ARHGAP24: variants seen among roughly 807,000 people sequenced by gnomAD.
The protein encoded by ARHGAP24 is Rho GTPase activating protein 24.
A neutral mutation model predicts 76.4 loss-of-function variants in ARHGAP24; 50 were observed. The ratio of observed to expected loss-of-function variants is 0.65; its 90% CI spans 0.52 to 0.83. ARHGAP24 has a LOEUF of 0.83. ARHGAP24 is among the 40% of genes least tolerant of loss of function. The probability of loss-of-function intolerance (pLI) is 0.00; values close to 1 mark genes in which losing one functional copy is unlikely to be tolerated. For missense variants in ARHGAP24, 930 were observed against 914.2 expected (o/e 1.02, Z -0.22); for synonymous variants, 345 against 323.3 (o/e 1.07, Z -0.72).
intron 3 of ARHGAP24, among the ~76,000 whole-genome samples, chr4:85,890,885 T>A (rs903919395): frequency 1.3e-5 from 2 of 152,198 alleles, no homozygotes; most frequent in Non-Finnish European, 2.9e-5. Flanking sequence ...CCTTGTTTCA[T>A]TCACTTCTAA....
chr4:85,903,327 A>AT (rs1418866166), intron 3 of ARHGAP24, among the ~76,000 whole-genome samples: 6 of 152,160 alleles, frequency 3.9e-5, no homozygotes, highest in African/African-American at 1.4e-4. Flanking sequence ...ATTAGATTTG[A>AT]TTTTACTGCA....
intron 3 of ARHGAP24, among the ~76,000 whole-genome samples, chr4:85,795,130 T>C (rs944160128): frequency 6.6e-6 from 1 of 152,238 alleles, no homozygotes; most frequent in Non-Finnish European, 1.5e-5. Context: ...TTCCATTCCA[T>C]GTTACAGTAT....
At chr4:85,691,152 T>C (rs1269253072) in intron 2 of ARHGAP24, among the ~76,000 whole-genome samples, 1 of 152,028 alleles carries the variant, frequency 6.6e-6, no homozygotes, top group Non-Finnish European at 1.5e-5. Context: ...AATTGTGTAG[T>C]TTTCAGATAT....
In ARHGAP24 at chr4:85,875,834, C is replaced by T. The variant is rs144299198; in HGVS notation, c.269-47814C>T. Among the ~76,000 whole-genome samples, 588 of 150,556 alleles carry T rather than the reference C, an allele frequency of 3.9e-3. 3 individuals are homozygous for T. The highest frequency in any genetic ancestry group is 0.013 in the African/African-American group (551 of 40,900). Reference sequence around the variant, plus strand: ...TCAGCTCAGTGCAACCTGTGCATCCCGGGTTCAAGCAATTTTCCTGCTTCA... The same window carrying T: ...TCAGCTCAGTGCAACCTGTGCATCCTGGGTTCAAGCAATTTTCCTGCTTCA... On this transcript the variant is annotated intron_variant, in intron 3 of 9. Coordinates refer to ENST00000395184, the MANE Select transcript of ARHGAP24 (RefSeq NM_001025616.3).
chr4:85,902,939 A>G (rs1180117223), intron 3 of ARHGAP24, among the ~76,000 whole-genome samples: 2 of 152,204 alleles, frequency 1.3e-5, no homozygotes, highest in Non-Finnish European at 2.9e-5. Flanking sequence ...TTCAATGAAA[A>G]CTTAAAAGTT....
Position 85,982,373 on chromosome 4 carries a change from T to TTTTTGTTTTG in ARHGAP24, c.928+4697_928+4706dup, listed in dbSNP as rs6148555. Among the ~76,000 whole-genome samples the TTTTTGTTTTG allele has an allele frequency of 2.9e-3, 431 of 150,294 alleles. 5 individuals carry two copies. Among genetic ancestry groups the TTTTTGTTTTG allele is most frequent in the Middle Eastern group, 0.01 (3 of 290 alleles). ...GATAGGTGCACAAGTAGATAAGTTGTTTTTGTTTTGTTTTGTTTTGTTTTT... is the reference window on the plus strand; with the variant it reads ...GATAGGTGCACAAGTAGATAAGTTGTTTTTGTTTTGTTTTGTTTTGTTTTGTTTTGTTTTT... On this transcript the variant is annotated intron_variant, in intron 8 of 9. Coordinates refer to ENST00000395184, the MANE Select transcript of ARHGAP24 (RefSeq NM_001025616.3).
intron 4 of ARHGAP24, among the ~76,000 whole-genome samples, chr4:85,939,351 T>A (rs62305515): frequency 0.075 from 11,461 of 152,218 alleles, 550 homozygotes; most frequent in East Asian, 0.19. Flanking sequence ...GGACTGATAT[T>A]CAGGAATAAG....
chr4:85,797,161 GTT>G (rs71672797), intron 3 of ARHGAP24, among the ~76,000 whole-genome samples: 2 of 148,458 alleles, frequency 1.3e-5, no homozygotes, highest in African/African-American at 5.0e-5. Flanking sequence ...AATTTTTTTT[GTT>G]TTTTTTTTTG....
chr4:85,747,819 T>C (rs989653192), intron 3 of ARHGAP24, among the ~76,000 whole-genome samples: 13 of 152,250 alleles, frequency 8.5e-5, no homozygotes, highest in African/African-American at 3.1e-4. Context: ...TTTAAAATCA[T>C]TAAGGACAGA....
intron 3 of ARHGAP24, among the ~76,000 whole-genome samples, chr4:85,794,506 A>AG (rs1158455128): frequency 6.6e-6 from 1 of 152,034 alleles, no homozygotes; most frequent in Non-Finnish European, 1.5e-5. Flanking sequence ...TTTTCGAGAC[A>AG]GAGTCTCACC....
At chr4:85,899,153 T>C (rs1344096463) in intron 3 of ARHGAP24, among the ~76,000 whole-genome samples, 1 of 152,216 alleles carries the variant, frequency 6.6e-6, no homozygotes, top group Admixed American at 6.5e-5. Flanking sequence ...TAATGAGTAA[T>C]GTCTTCAAGG....
intron 5 of ARHGAP24, among the ~76,000 whole-genome samples, chr4:85,964,305 A>G (rs564139761): frequency 6.6e-6 from 1 of 152,218 alleles, no homozygotes; most frequent in African/African-American, 2.4e-5. Context: ...AAAAAATGCT[A>G]AAAGAGAAAC....
At chr4:86,000,397 C>A in intron 9 of ARHGAP24, 82 bp from the exon 10 acceptor site, 1 of 1,046,580 alleles carries the variant, frequency 9.6e-7, no homozygotes, top group Non-Finnish European at 1.5e-6. Flanking sequence ...ATTTGTATGT[C>A]TCTTGCATTT....
intron 3 of ARHGAP24, among the ~76,000 whole-genome samples, chr4:85,749,964 C>T (rs754241384): frequency 1.3e-5 from 2 of 151,860 alleles, no homozygotes; most frequent in Non-Finnish European, 2.9e-5. Flanking sequence ...GCAGCAGCAG[C>T]GGCAGCAGCA....
chr4:85,897,832 A>ATC (rs1734271000), intron 3 of ARHGAP24, among the ~76,000 whole-genome samples: 1 of 151,890 alleles, frequency 6.6e-6, no homozygotes, highest in South Asian at 2.1e-4. Flanking sequence ...GCAGTATCAG[A>ATC]TAAGTGAGGG....
intron 4 of ARHGAP24, among the ~76,000 whole-genome samples, chr4:85,939,774 T>C (rs1386720138): frequency 1.3e-5 from 2 of 152,170 alleles, no homozygotes; most frequent in African/African-American, 4.8e-5. Context: ...AACCCAAATA[T>C]TGGAAGTTTG....
chr4:85,969,762 G>A (rs1307523087), intron 5 of ARHGAP24, among the ~76,000 whole-genome samples: 1 of 152,006 alleles, frequency 6.6e-6, no homozygotes, highest in African/African-American at 2.4e-5. Flanking sequence ...AAATACTAGT[G>A]TCTTCCTTGT....
chr4:85,606,740 C>T (rs920251175), intron 2 of ARHGAP24, among the ~76,000 whole-genome samples: 6 of 152,126 alleles, frequency 3.9e-5, no homozygotes, highest in Non-Finnish European at 8.8e-5. Context: ...CAGTGAACAA[C>T]TCAAAGTCAC....
chr4:85,646,532 A>G (rs1366224022), intron 2 of ARHGAP24, among the ~76,000 whole-genome samples: 2 of 152,154 alleles, frequency 1.3e-5, no homozygotes, highest in East Asian at 3.9e-4. Context: ...TAGAGCCACA[A>G]TCTATATTCC....
Sources: allele counts gnomAD v4.1 joint callset (sites outside exome capture counted in the v4.1 genomes callset), GRCh38; gene constraint gnomAD v4.1.1; transcripts MANE v1.5; gene names NCBI Gene and HGNC (gene_info 2026-07-23, HGNC 2026-07-21).